Variants in ZMYM6 observed in about 807,000 individuals in gnomAD.
ZMYM6 encodes zinc finger MYM-type protein 6.
In ZMYM6, 90 loss-of-function variants were observed where a neutral mutation model predicts 134.0. The ratio of observed to expected loss-of-function variants is 0.67; its 90% CI spans 0.57 to 0.80. ZMYM6 has a LOEUF of 0.80. ZMYM6 is among the 30% of genes least tolerant of loss of function. ZMYM6 has a pLI of 0.00. For missense variants in ZMYM6, 1,362 were observed against 1,533.9 expected, an observed-to-expected ratio of 0.89 and a Z score of 1.87; for synonymous variants, 481 against 524.1, an observed-to-expected ratio of 0.92 and a Z score of 1.12.
intron 1 of ZMYM6, 91 bp from the exon 2 acceptor site, chr1:35,030,804 C>T (rs922129924): frequency 3.0e-5 from 19 of 636,154 alleles, no homozygotes; most frequent in Non-Finnish European, 4.9e-5. Flanking sequence ...CTTCACGGCT[C>T]GGCATTTGAA....
In ZMYM6 at chr1:34,987,671, G is replaced by T. The variant is rs750156941; in HGVS notation, c.3411C>A (p.Phe1137Leu). 6.4e-7 allele frequency: 1 copy of T among 1,554,522 alleles called. No homozygotes were observed. The highest frequency in any genetic ancestry group is 1.2e-5 in the South Asian group (1 of 84,264). The change falls in exon 16 of 16, where the codon TTC becomes TTA. Residue 1137 changes from phenylalanine to leucine, a missense_variant. Transcript: ENST00000357182. ...NLSLQGTLTT[F>L]FNLCNKIDVF... Reference sequence around the variant, plus strand: ...CATCAATTTTATTACACAAATTGAAGAAAGTAGTCAAAGTTCCTTGGAGAC... The same window carrying T: ...CATCAATTTTATTACACAAATTGAATAAAGTAGTCAAAGTTCCTTGGAGAC...
chr1:35,025,273 G>A (rs1486532555), intron 2 of ZMYM6, among the ~76,000 whole-genome samples: 1 of 151,078 alleles, frequency 6.6e-6, no homozygotes, highest in Non-Finnish European at 1.5e-5. Flanking sequence ...TTCGAGACCA[G>A]CCGGCCAACA....
chr1:35,008,505 A>T (rs1641026890), intron 11 of ZMYM6, among the ~76,000 whole-genome samples: 1 of 152,224 alleles, frequency 6.6e-6, no homozygotes, highest in Non-Finnish European at 1.5e-5. Flanking sequence ...AATAAGGGCA[A>T]AGTGCCTCAT....
intron 4 of ZMYM6, among the ~76,000 whole-genome samples, chr1:35,016,497 AGGT>A (rs1441191649): frequency 3.9e-5 from 6 of 152,336 alleles, no homozygotes; most frequent in Admixed American, 2.0e-4. Context: ...GGTAAAACAG[AGGT>A]TAAGTATTGC....
intron 7 of ZMYM6, 95 bp from the exon 8 acceptor site, chr1:35,012,100 T>C: frequency 1.3e-6 from 1 of 761,292 alleles, no homozygotes; most frequent in South Asian, 2.9e-5. Context: ...AAATAATCAA[T>C]AATATACCAA....
chr1:35,019,442 C>T lies in ZMYM6; in HGVS notation c.339G>A (p.Gln113=). The change falls in exon 4 of 16, where the codon CAG becomes CAA. Residue 113 remains glutamine, a synonymous_variant. Coordinates refer to ENST00000357182, the MANE Select transcript of ZMYM6 (RefSeq NM_007167.4). ...TGATGCATCGTGTGGAGCAGAAGAGCTGAGTAGATCCTGTCTTATGATATG... is the reference window on the plus strand; with the variant it reads ...TGATGCATCGTGTGGAGCAGAAGAGTTGAGTAGATCCTGTCTTATGATATG... ...QTAYHKTGST[Q]LFCSTRCITR... The T allele has an allele frequency of 6.2e-7, 1 of 1,614,098 alleles. No individual in the cohort carries two copies.
chr1:35,019,466 T>C lies in ZMYM6; in HGVS notation c.315A>G (p.Ala105=), dbSNP rs751678257. The C allele has an allele frequency of 5.6e-6, 9 of 1,614,064 alleles. No individual in the cohort carries two copies. The highest frequency in any genetic ancestry group is 1.3e-5 in the African/African-American group (1 of 74,902). Residue 105 remains alanine, a synonymous_variant, in exon 4 of 16, where the codon GCA becomes GCG. Coordinates refer to ENST00000357182, the MANE Select transcript of ZMYM6 (RefSeq NM_007167.4). Reference sequence around the variant, plus strand: ...GCTGAGTAGATCCTGTCTTATGATATGCAGTTTGGCCCTTATAAAGCATTT... The same window carrying C: ...GCTGAGTAGATCCTGTCTTATGATACGCAGTTTGGCCCTTATAAAGCATTT... ...CKKMLYKGQT[A]YHKTGSTQLF...
chr1:35,023,220 C>T (rs1452749520), intron 2 of ZMYM6, among the ~76,000 whole-genome samples: 3 of 151,980 alleles, frequency 2.0e-5, no homozygotes, highest in African/African-American at 7.3e-5. Context: ...CGATTCTCCT[C>T]CCTCGGCCTC....
intron 15 of ZMYM6, chr1:34,989,393 A>T: frequency 6.3e-6 from 2 of 316,258 alleles, no homozygotes; most frequent in Non-Finnish European, 8.9e-6. Context: ...AAAAAAAAGA[A>T]GAAGAAAAAA....
intron 15 of ZMYM6, 125 bp from the exon 16 acceptor site, chr1:34,989,060 TA>T: frequency 1.4e-6 from 2 of 1,476,400 alleles, no homozygotes; most frequent in Non-Finnish European, 1.8e-6. Context: ...AATGCACTGG[TA>T]AAAGTTTAAG....
chr1:34,988,396 C>A lies in ZMYM6; in HGVS notation c.2686G>T (p.Asp896Tyr). 1 of 1,551,616 alleles carries A rather than the reference C, an allele frequency of 6.4e-7. No homozygotes were observed. Among genetic ancestry groups the A allele is most frequent in the South Asian group, 1.2e-5 (1 of 84,048 alleles). Residue 896 changes from aspartate (D) to tyrosine (Y), a missense_variant, in exon 16 of 16, where the codon GAC becomes TAC. Asp to Tyr is a radical substitution (Grantham distance 160). Transcript: ENST00000357182. ...RIDELSADIE[D>Y]QLIQKVRESK... ...TCTCTGACCTTTTGAATCAGCTGGTCTTCAATGTCTGCAGATAGTTCATCA... is the reference window on the plus strand; with the variant it reads ...TCTCTGACCTTTTGAATCAGCTGGTATTCAATGTCTGCAGATAGTTCATCA...
chr1:35,027,997 A>G (rs994532316), intron 2 of ZMYM6, among the ~76,000 whole-genome samples: 4 of 151,942 alleles, frequency 2.6e-5, no homozygotes, highest in Non-Finnish European at 4.4e-5. Flanking sequence ...AACAAAACCT[A>G]CCTGACATCC....
At position 35,020,471 on chromosome 1, in the gene ZMYM6, TAAAAAAAA is replaced by T. The variant is rs11476047; in HGVS notation, c.94-12_94-5del. On this transcript the variant is annotated splice_polypyrimidine_tract_variant and splice_region_variant and intron_variant, in intron 2 of 15. Coordinates refer to ENST00000357182, the MANE Select transcript of ZMYM6 (RefSeq NM_007167.4). ...GCTGTTGGACACATCCATACTCCTT[TAAAAAAAA>T]AAAGAAAAGAGAAAAGAGCAATGAA... 9.6e-7 allele frequency: 1 copy of T among 1,036,756 alleles called. No homozygotes were observed. The allele number at this position is 1,036,756 out of a possible 1,614,324, so 64.2% of individuals were successfully genotyped here.
intron 6 of ZMYM6, among the ~76,000 whole-genome samples, chr1:35,014,112 T>A (rs181483077): frequency 6.6e-6 from 1 of 152,228 alleles, no homozygotes; most frequent in East Asian, 1.9e-4. Context: ...ATAAAATTAC[T>A]TGAAGTATTC....
At position 34,988,502 on chromosome 1, in the gene ZMYM6, C is replaced by T; in HGVS notation, c.2580G>A (p.Met860Ile). ...EELIKPYLVE[M>I]CSEVLGSSAG... The stretch of plus-strand genomic sequence containing the variant: ...CACTTGAACCCAAAACTTCTGAACA[C>T]ATTTCTACTAAATATGGTTTAATTA... The change falls in exon 16 of 16, where the codon ATG becomes ATA. Residue 860 changes from methionine (M) to isoleucine (I), a missense_variant. Physicochemically the swap from Met to Ile is conservative, Grantham distance 10 (BLOSUM62 1). Transcript: ENST00000357182. 5 of 1,550,898 alleles carry T rather than the reference C, an allele frequency of 3.2e-6. No homozygotes were observed. Among genetic ancestry groups the T allele is most frequent in the Non-Finnish European group, 4.4e-6 (5 of 1,146,664 alleles).
At position 35,010,526 on chromosome 1, in the gene ZMYM6, C is replaced by T. The variant is rs1448723229; in HGVS notation, c.1413G>A (p.Met471Ile). 1.2e-6 allele frequency: 2 copies of T among 1,613,970 alleles called. No individual in the cohort carries two copies. Among genetic ancestry groups the T allele is most frequent in the Non-Finnish European group, 1.7e-6 (2 of 1,180,010 alleles). ...TTTTCTGCAGTTTACAGTAGTCACA[C>T]ATTGCCACAACTTTATTTTTCTTCT... ...EYKKKNKVVA[M>I]CDYCKLQKII... Residue 471 changes from methionine to isoleucine, a missense_variant, in exon 10 of 16, where the codon ATG becomes ATA. Transcript: ENST00000357182.
chr1:34,987,633 T>C lies in ZMYM6; in HGVS notation c.3449A>G (p.Lys1150Arg). 2 of 1,586,888 alleles carry C rather than the reference T, an allele frequency of 1.3e-6. No individual in the cohort carries two copies. Among genetic ancestry groups the C allele is most frequent in the Non-Finnish European group, 1.7e-6 (2 of 1,165,416 alleles). Reference protein sequence around the residue: ...LCNKIDVFKRKLKMWLKRTQE... With the variant: ...LCNKIDVFKRRLKMWLKRTQE... ...TGTGCGCTTCAACCACATTTTTAACTTTCTCTTAAATACATCAATTTTATT... is the reference window on the plus strand; with the variant it reads ...TGTGCGCTTCAACCACATTTTTAACCTTCTCTTAAATACATCAATTTTATT... Residue 1150 changes from lysine (K) to arginine (R), a missense_variant, in exon 16 of 16, where the codon AAG becomes AGG. By Grantham distance (26) the Lys-to-Arg change is conservative. Transcript: ENST00000357182.
At chr1:34,995,000 T>C (rs907420642) in intron 14 of ZMYM6, among the ~76,000 whole-genome samples, 3 of 137,926 alleles carry the variant, frequency 2.2e-5, no homozygotes, top group African/African-American at 8.6e-5. Flanking sequence ...TATGTATATA[T>C]GTATACATAT....
At chr1:35,002,774 G>T (rs1640900800) in intron 14 of ZMYM6, among the ~76,000 whole-genome samples, 2 of 151,854 alleles carry the variant, frequency 1.3e-5, no homozygotes, top group South Asian at 4.2e-4. Flanking sequence ...TTAAATTTGG[G>T]GCACATTTTT....
Sources: allele counts gnomAD v4.1 joint callset (sites outside exome capture counted in the v4.1 genomes callset), GRCh38; gene constraint gnomAD v4.1.1; transcripts MANE v1.5; gene names NCBI Gene and HGNC (gene_info 2026-07-23, HGNC 2026-07-21).